PHC2: variants seen among roughly 807,000 people sequenced by gnomAD.
The protein encoded by PHC2 is polyhomeotic-like protein 2.
In PHC2, 29 loss-of-function variants were observed where a neutral mutation model predicts 87.4. That is an observed-to-expected ratio of 0.33 (90% CI 0.25 to 0.45). The LOEUF is 0.45. Among genes scored for constraint, PHC2 ranks in the 20% least tolerant of loss-of-function variants. The pLI is 1.00. For missense variants in PHC2, 857 were observed against 1,136.7 expected (o/e 0.75, Z 3.54); for synonymous variants, 438 against 461.7 (o/e 0.95, Z 0.66).
chr1:33,419,220 T>C (rs758308964), intron 1 of PHC2, among the ~76,000 whole-genome samples: 2 of 152,256 alleles, frequency 1.3e-5, no homozygotes, highest in Non-Finnish European at 2.9e-5. Flanking sequence ...GGTTGTTGTC[T>C]TTACTAAGTC....
intron 1 of PHC2, among the ~76,000 whole-genome samples, chr1:33,422,055 CT>C: frequency 6.6e-6 from 1 of 152,252 alleles, no homozygotes; most frequent in East Asian, 1.9e-4. Context: ...CTCAAATGTT[CT>C]GCTGTGGTCT....
intron 1 of PHC2, among the ~76,000 whole-genome samples, chr1:33,379,789 TTTCCCTCTAA>T (rs1293051434): frequency 6.6e-6 from 1 of 151,678 alleles, no homozygotes; most frequent in Non-Finnish European, 1.5e-5. Context: ...GGTAGCTCCG[TTTCCCTCTAA>T]TGAGCTCTCT....
At chr1:33,409,661 G>T (rs1033718301) in intron 1 of PHC2, among the ~76,000 whole-genome samples, 1 of 152,100 alleles carries the variant, frequency 6.6e-6, no homozygotes, top group African/African-American at 2.4e-5. Flanking sequence ...TCTATCACTG[G>T]TTGGCAGAGA....
intron 9 of PHC2, among the ~76,000 whole-genome samples, chr1:33,342,443 T>C (rs1370295457): frequency 6.6e-6 from 1 of 152,150 alleles, no homozygotes; most frequent in Non-Finnish European, 1.5e-5. Context: ...ATAAGCTGAA[T>C]TGTAAACAGC....
chr1:33,367,196 C>A lies in PHC2; in HGVS notation c.896G>T (p.Ser299Ile). ...EPHKKGDGNS[S>I]VPGSMEGRAG... ...CCGGCCTTCCATGCTCCCTGGCACA[C>A]TGCTGTTGCCATCTCCTTTCTTGTG... The change falls in exon 7 of 15, where the codon AGT becomes ATT. Residue 299 changes from serine to isoleucine, a missense_variant. Ser to Ile is a moderately radical substitution (Grantham distance 142). Coordinates refer to ENST00000683057, the MANE Select transcript of PHC2 (RefSeq NM_001385109.1). The A allele has an allele frequency of 6.2e-7, 1 of 1,614,198 alleles. No homozygotes were observed. The highest frequency in any genetic ancestry group is 2.2e-5 in the East Asian group (1 of 44,878).
chr1:33,367,480 A>G (rs745664608), intron 6 of PHC2, 52 bp from the exon 7 acceptor site: 1 of 1,369,314 alleles, frequency 7.3e-7, no homozygotes, highest in Non-Finnish European at 1.0e-6. Context: ...GAGCAATGCC[A>G]GTATACAACT....
chr1:33,351,669 T>C (rs1051989790), intron 9 of PHC2, among the ~76,000 whole-genome samples: 1 of 152,118 alleles, frequency 6.6e-6, no homozygotes, highest in Non-Finnish European at 1.5e-5. Flanking sequence ...ATACACAGAA[T>C]GGGCCGGGCG....
At chr1:33,378,598 A>T (rs1426495041) in intron 1 of PHC2, among the ~76,000 whole-genome samples, 1 of 152,222 alleles carries the variant, frequency 6.6e-6, no homozygotes, top group African/African-American at 2.4e-5. Context: ...ATCAAGTCTC[A>T]GTTCTATTTC....
At chr1:33,346,248 G>GGGGGC in intron 9 of PHC2, 1 of 284,148 alleles carries the variant, frequency 3.5e-6, no homozygotes, top group Non-Finnish European at 5.1e-6. Context: ...GGGAGGGTGG[G>GGGGGC]CAGGCTCAGA....
chr1:33,330,190 G>T lies in PHC2; in HGVS notation c.2029C>A (p.Arg677=), dbSNP rs745443991. 1.9e-6 allele frequency: 3 copies of T among 1,614,160 alleles called. No individual in the cohort carries two copies. Among genetic ancestry groups the T allele is most frequent in the Non-Finnish European group, 2.5e-6 (3 of 1,180,040 alleles). The change falls in exon 13 of 15, where the codon CGG becomes AGG. Residue 677 remains arginine (R), a synonymous_variant. Transcript: ENST00000683057. ...CGGTCTGAGTGGAAAAGTCCCACCC[G>T]TTTGGTGCATCCCACGTTGTACCTT... ...AKRYNVGCTK[R]VGLFHSDRSK... is the part of the protein sequence containing the mutation.
chr1:33,402,188 C>T (rs1326923798), intron 1 of PHC2, among the ~76,000 whole-genome samples: 1 of 152,100 alleles, frequency 6.6e-6, no homozygotes, highest in Non-Finnish European at 1.5e-5. Context: ...CATTTAAAAA[C>T]TTCACTTTAT....
At chr1:33,329,832 G>C (rs1646450829) in intron 13 of PHC2, among the ~76,000 whole-genome samples, 2 of 152,232 alleles carry the variant, frequency 1.3e-5, no homozygotes, top group Non-Finnish European at 2.9e-5. Context: ...CAAACTGGAA[G>C]GTGGGGTGAT....
intron 1 of PHC2, among the ~76,000 whole-genome samples, chr1:33,378,995 C>T (rs1216174946): frequency 1.3e-5 from 2 of 151,928 alleles, no homozygotes; most frequent in Non-Finnish European, 2.9e-5. Context: ...TGGGGGTTAT[C>T]ATTTCTATTT....
intron 7 of PHC2, among the ~76,000 whole-genome samples, chr1:33,361,074 G>A (rs1402196797): frequency 6.6e-6 from 1 of 152,208 alleles, no homozygotes; most frequent in African/African-American, 2.4e-5. Flanking sequence ...AGGAGGCAGG[G>A]AGGAAAAGGG....
chr1:33,370,903 T>C (rs1470265657), intron 4 of PHC2, 114 bp downstream of exon 4: 1 of 884,836 alleles, frequency 1.1e-6, no homozygotes, highest in Non-Finnish European at 1.9e-6. Context: ...GTAAGGGCAA[T>C]AGATTCCAGC....
At position 33,367,296 on chromosome 1, in the gene PHC2, C is replaced by G; in HGVS notation, c.796G>C (p.Ala266Pro). The G allele has an allele frequency of 6.2e-7, 1 of 1,614,016 alleles. No individual in the cohort carries two copies. Among genetic ancestry groups the G allele is most frequent in the Non-Finnish European group, 8.5e-7 (1 of 1,179,926 alleles). Residue 266 changes from alanine to proline, a missense_variant, in exon 7 of 15, where the codon GCA becomes CCA. Coordinates refer to ENST00000683057, the MANE Select transcript of PHC2 (RefSeq NM_001385109.1). ...PGGSQPLPTP[A>P]QSRNTAQASP... ...GCCTGAGCAGTATTTCTGCTCTGTG[C>G]TGGGGTAGGCAGAGGCTGGCTACCG...
intron 12 of PHC2, among the ~76,000 whole-genome samples, chr1:33,330,748 CT>C (rs1646474202): frequency 6.6e-6 from 1 of 152,184 alleles, no homozygotes; most frequent in African/African-American, 2.4e-5. Flanking sequence ...CCACACATGG[CT>C]TTAGAATTGG....
At chr1:33,336,208 C>T (rs1023094457) in intron 9 of PHC2, among the ~76,000 whole-genome samples, 5 of 152,094 alleles carry the variant, frequency 3.3e-5, no homozygotes, top group Non-Finnish European at 2.9e-5. Context: ...AGGCTGGTCT[C>T]GAACTCCTGA....
At position 33,331,652 on chromosome 1, in the gene PHC2, G is replaced by GGAT. The variant is rs1180655968; in HGVS notation, c.1892-193_1892-191dup. Reference sequence around the variant, plus strand: ...CTGGAATGCACTCAAGGGTGTCTGGGGATGCCCCTTGTAGACTTGACATTT... The same window carrying GGAT: ...CTGGAATGCACTCAAGGGTGTCTGGGGATGATGCCCCTTGTAGACTTGACATTT... On this transcript the variant is annotated intron_variant, in intron 11 of 14. Transcript: ENST00000683057. This position sits in a 1 kb window ranked among gnomAD's most constrained non-coding sequence, Gnocchi z 5.2. 1 of 502,120 alleles carries GGAT rather than the reference G, an allele frequency of 2.0e-6. No individual in the cohort carries two copies. Among genetic ancestry groups the GGAT allele is most frequent in the Non-Finnish European group, 3.5e-6 (1 of 283,450 alleles). 31.1% of individuals were successfully genotyped at this position (502,120 alleles called of 1,614,324 possible).
Sources: allele counts gnomAD v4.1 joint callset (sites outside exome capture counted in the v4.1 genomes callset), GRCh38; gene constraint gnomAD v4.1.1; non-coding constraint Gnocchi (gnomAD v3.1); transcripts MANE v1.5; gene names NCBI Gene and HGNC (gene_info 2026-07-23, HGNC 2026-07-21).